The following SV2C variants were observed in gnomAD, a reference collection of about 807,000 sequenced individuals.
SV2C encodes the protein solute carrier family 22 member B3.
SV2C carries 49 observed loss-of-function variants against 79.7 expected under a neutral mutation model. The observed-to-expected ratio is 0.61, with a 90% CI of 0.49 to 0.78. The LOEUF is 0.78. SV2C is among the 30% of genes least tolerant of loss of function. The probability of loss-of-function intolerance (pLI) is 0.00; values close to 1 mark genes in which losing one functional copy is unlikely to be tolerated. For missense variants in SV2C, 833 were observed against 912.9 expected (o/e 0.91, Z 1.13); for synonymous variants, 334 against 333.2 (o/e 1.00, Z -0.03).
chr5:76,253,340 G>A (rs1057078717), intron 4 of SV2C, among the ~76,000 whole-genome samples: 3 of 152,042 alleles, frequency 2.0e-5, no homozygotes, highest in Admixed American at 6.5e-5. Context: ...CGCCCAGGCT[G>A]GAGTGCAGTG....
the SV2C span, among the ~76,000 whole-genome samples, chr5:76,009,991 GTT>G: frequency 3.8e-3 from 432 of 112,606 alleles, no homozygotes; most frequent in South Asian, 8.3e-3. Context: ...TATCTATTTT[GTT>G]TTTTTTTTTT....
chr5:76,071,053 G>A, the SV2C span, among the ~76,000 whole-genome samples: 1,030 of 152,274 alleles, frequency 6.8e-3, 12 homozygotes, highest in African/African-American at 0.023. Context: ...TCCACCTCCC[G>A]TGGGATGAAT....
the SV2C span, among the ~76,000 whole-genome samples, chr5:76,042,009 TG>T: frequency 3.9e-5 from 6 of 152,130 alleles, no homozygotes; most frequent in Admixed American, 3.9e-4. Context: ...TCAGGCCCGA[TG>T]TTTGCCCAGG....
the SV2C span, among the ~76,000 whole-genome samples, chr5:76,044,780 A>T: frequency 6.6e-6 from 1 of 151,704 alleles, no homozygotes; most frequent in African/African-American, 2.4e-5. Flanking sequence ...TTTTCTTGTA[A>T]ATTTGTTTAA....
chr5:76,281,803 C>T (rs916607636), intron 4 of SV2C, among the ~76,000 whole-genome samples: 2 of 152,232 alleles, frequency 1.3e-5, no homozygotes, highest in African/African-American at 2.4e-5. Context: ...CTCCCTTTCT[C>T]ATTGTCCCTG....
chr5:75,918,070 T>C, the SV2C span, among the ~76,000 whole-genome samples: 1 of 152,240 alleles, frequency 6.6e-6, no homozygotes, highest in African/African-American at 2.4e-5. Flanking sequence ...GTATTTTACC[T>C]GCCATTTTAT....
the SV2C span, among the ~76,000 whole-genome samples, chr5:75,996,906 G>T: frequency 3.0e-5 from 4 of 131,762 alleles, no homozygotes; most frequent in East Asian, 7.8e-4. Context: ...GGGTTTTCTA[G>T]ATATACAATC....
chr5:76,167,963 C>T (rs1743094287), intron 2 of SV2C, among the ~76,000 whole-genome samples: 1 of 152,204 alleles, frequency 6.6e-6, no homozygotes, highest in African/African-American at 2.4e-5. Context: ...ATGGAATCCA[C>T]ATTCATGGAT....
chr5:75,874,102 A>G, the SV2C span, among the ~76,000 whole-genome samples: 5 of 152,292 alleles, frequency 3.3e-5, no homozygotes, highest in South Asian at 6.2e-4. Flanking sequence ...GATACAACAA[A>G]AAAAGAAAAC....
the SV2C span, among the ~76,000 whole-genome samples, chr5:75,958,128 C>T: frequency 6.6e-6 from 1 of 151,966 alleles, no homozygotes; most frequent in African/African-American, 2.4e-5. Context: ...TGAGCAAAGT[C>T]ATGCCATCTG....
the SV2C span, among the ~76,000 whole-genome samples, chr5:76,048,965 G>GAAAGAAAGAA: frequency 1.1e-3 from 62 of 58,186 alleles, 1 homozygote; most frequent in African/African-American, 3.9e-3. Context: ...GAAAGAAAAA[G>GAAAGAAAGAA]AGAAAGAAAG....
At chr5:75,954,925 C>T in the SV2C span, among the ~76,000 whole-genome samples, 335 of 147,888 alleles carry the variant, frequency 2.3e-3, 1 homozygote, top group African/African-American at 8.4e-3. Flanking sequence ...ACATTCCATG[C>T]TCATGGGTAG....
chr5:76,346,369 A>T (rs533103061), intron 12 of SV2C, among the ~76,000 whole-genome samples: 2 of 152,278 alleles, frequency 1.3e-5, no homozygotes, highest in African/African-American at 4.8e-5. Context: ...AATTCCTGAA[A>T]ATTTAGCATC....
At chr5:76,103,693 C>G (rs966254098) in intron 1 of SV2C, among the ~76,000 whole-genome samples, 9 of 152,270 alleles carry the variant, frequency 5.9e-5, no homozygotes, top group African/African-American at 1.9e-4. Context: ...GTTAGGGCAC[C>G]TAGACTGTTT....
chr5:75,875,176 A>G, the SV2C span, among the ~76,000 whole-genome samples: 3 of 152,208 alleles, frequency 2.0e-5, no homozygotes, highest in African/African-American at 7.2e-5. Flanking sequence ...ACTGATTTCA[A>G]ACTATACTAC....
chr5:76,254,174 A>G (rs944487781), intron 4 of SV2C, among the ~76,000 whole-genome samples: 8 of 144,434 alleles, frequency 5.5e-5, no homozygotes, highest in East Asian at 2.0e-4. Flanking sequence ...GTGTGTGTGT[A>G]TATATATGTG....
At position 76,131,672 on chromosome 5, in the gene SV2C, A is replaced by T. The variant is rs1748894570; in HGVS notation, c.-79A>T. 1.6e-6 allele frequency: 2 copies of T among 1,229,044 alleles called. No homozygotes were observed. The highest frequency in any genetic ancestry group is 3.0e-5 in the African/African-American group (2 of 66,386). The allele number at this position is 1,229,044 out of a possible 1,614,324, so 76.1% of individuals were successfully genotyped here. ...CAGTTCTGTTTTGAACCCAAAGTGGATGATGCTGTCAGAGCTGAACCACTG... is the reference window on the plus strand; with the variant it reads ...CAGTTCTGTTTTGAACCCAAAGTGGTTGATGCTGTCAGAGCTGAACCACTG... On this transcript the variant is annotated 5_prime_UTR_variant, in exon 2 of 13. It removes an upstream start codon present in the reference 5' UTR. Coordinates refer to ENST00000502798, the MANE Select transcript of SV2C (RefSeq NM_014979.4).
the SV2C span, chr5:75,911,125 G>A: frequency 6.5e-7 from 1 of 1,548,826 alleles, no homozygotes; most frequent in Non-Finnish European, 8.9e-7. Flanking sequence ...GCACTTAGAA[G>A]ATGAGGAAAT....
At chr5:76,024,022 C>T in the SV2C span, among the ~76,000 whole-genome samples, 31 of 152,014 alleles carry the variant, frequency 2.0e-4, no homozygotes, top group African/African-American at 7.2e-4. Context: ...ACAAAAATCA[C>T]TCCTAGCTGA....
Sources: allele counts gnomAD v4.1 joint callset (sites outside exome capture counted in the v4.1 genomes callset), GRCh38; gene constraint gnomAD v4.1.1; transcripts MANE v1.5; gene names NCBI Gene and HGNC (gene_info 2026-07-23, HGNC 2026-07-21).